Variants in PLCXD3 observed in about 807,000 individuals in gnomAD.
PLCXD3 encodes phosphatidylinositol specific phospholipase C X domain containing 3.
PLCXD3 carries 19 observed loss-of-function variants against 25.5 expected under a neutral mutation model. The ratio of observed to expected loss-of-function variants is 0.75; its 90% confidence interval spans 0.52 to 1.09. PLCXD3 has a LOEUF of 1.09. Among genes scored for constraint, PLCXD3 ranks in the 50% least tolerant of loss-of-function variants. PLCXD3 has a pLI of 0.00. For missense variants in PLCXD3, 411 were observed against 388.1 expected (o/e 1.06, Z -0.50); for synonymous variants, 174 against 137.6 (o/e 1.26, Z -1.85).
At chr5:41,333,914 C>T (rs900160924) in intron 2 of PLCXD3, among the ~76,000 whole-genome samples, 6 of 152,140 alleles carry the variant, frequency 3.9e-5, no homozygotes, top group Non-Finnish European at 8.8e-5. Context: ...AATCCCCTCA[C>T]CTTGACTTTC....
intron 1 of PLCXD3, among the ~76,000 whole-genome samples, chr5:41,439,864 T>G (rs680919): frequency 2.0e-5 from 3 of 152,204 alleles, no homozygotes; most frequent in African/African-American, 7.2e-5. Context: ...GGGACACAAA[T>G]GAACTATATT....
intron 2 of PLCXD3, among the ~76,000 whole-genome samples, chr5:41,327,886 AC>A (rs1743679830): frequency 6.6e-6 from 1 of 151,978 alleles, no homozygotes; most frequent in South Asian, 2.1e-4. Context: ...GCTCACTGTA[AC>A]CTCGAACTCC....
At chr5:41,433,863 C>T (rs1431949782) in intron 1 of PLCXD3, among the ~76,000 whole-genome samples, 1 of 152,190 alleles carries the variant, frequency 6.6e-6, no homozygotes, top group Non-Finnish European at 1.5e-5. Flanking sequence ...ACTCCTCTCC[C>T]TTGAAGTGAT....
In PLCXD3 at chr5:41,380,418, C is replaced by T. The variant is rs539330741; in HGVS notation, c.812+1408G>A. The stretch of plus-strand genomic sequence containing the variant: ...TCTAAGCACCTATTAACTGCTCGCT[C>T]TCTCCATTCCATCAATCCTCCAGGC... On this transcript the variant is annotated intron_variant, in intron 2 of 2. Coordinates refer to ENST00000377801, the MANE Select transcript of PLCXD3 (RefSeq NM_001005473.3). 1.4e-4 allele frequency among the ~76,000 whole-genome samples: 22 copies of T among 152,188 alleles called. No individual in the cohort carries two copies. In the South Asian group the frequency reaches 4.6e-3, roughly 32 times the overall value.
intron 1 of PLCXD3, among the ~76,000 whole-genome samples, chr5:41,489,342 A>G (rs1450482860): frequency 6.6e-6 from 1 of 152,116 alleles, no homozygotes; most frequent in East Asian, 1.9e-4. Flanking sequence ...GCCTTGTAGT[A>G]TAGCTTGAAG....
chr5:41,438,707 T>C (rs1747312342), intron 1 of PLCXD3, among the ~76,000 whole-genome samples: 1 of 152,284 alleles, frequency 6.6e-6, no homozygotes, highest in African/African-American at 2.4e-5. Flanking sequence ...CCCACTTTTT[T>C]CTACAACACT....
chr5:41,330,720 A>G (rs929944852), intron 2 of PLCXD3, among the ~76,000 whole-genome samples: 3 of 152,230 alleles, frequency 2.0e-5, no homozygotes, highest in African/African-American at 7.2e-5. Context: ...AACCGAATCC[A>G]GCAGCACATC....
intron 2 of PLCXD3, among the ~76,000 whole-genome samples, chr5:41,380,446 C>T (rs534091991): frequency 3.2e-4 from 49 of 152,146 alleles, no homozygotes; most frequent in African/African-American, 1.1e-3. Flanking sequence ...CTCCAGGCTG[C>T]GTCAATTATT....
At chr5:41,497,340 T>C (rs1748864408) in intron 1 of PLCXD3, among the ~76,000 whole-genome samples, 1 of 151,872 alleles carries the variant, frequency 6.6e-6, no homozygotes, top group Non-Finnish European at 1.5e-5. Flanking sequence ...TAGAAAAATA[T>C]ATTCCAGGCA....
Position 41,490,726 on chromosome 5 carries a change from G to A in PLCXD3, c.103+19698C>T, listed in dbSNP as rs1267007477. On this transcript the variant is annotated intron_variant, in intron 1 of 2. Transcript: ENST00000377801. ...GATTTTCTAGTTTATTTGCATAGAG[G>A]TGATTGTAGTATTCTCTGATGGTAG... Among the ~76,000 whole-genome samples, 16 of 152,290 alleles carry A rather than the reference G, an allele frequency of 1.1e-4. No homozygotes were observed. In the East Asian group the frequency reaches 2.5e-3, roughly 24 times the overall value.
At chr5:41,384,732 A>T (rs1380425226) in intron 1 of PLCXD3, among the ~76,000 whole-genome samples, 1 of 152,130 alleles carries the variant, frequency 6.6e-6, no homozygotes. Flanking sequence ...CCACTTTTGA[A>T]AACACTGTGA....
chr5:41,495,391 G>A (rs977296575), intron 1 of PLCXD3, among the ~76,000 whole-genome samples: 2 of 152,200 alleles, frequency 1.3e-5, no homozygotes, highest in East Asian at 1.9e-4. Context: ...GACAGAAGCC[G>A]ACACAGTTCA....
chr5:41,392,353 G>A (rs1561257577), intron 1 of PLCXD3, among the ~76,000 whole-genome samples: 1 of 149,480 alleles, frequency 6.7e-6, no homozygotes, highest in East Asian at 1.9e-4. Flanking sequence ...GAGAGAGAGA[G>A]AAAGAGAGAG....
intron 2 of PLCXD3, among the ~76,000 whole-genome samples, chr5:41,339,901 T>G (rs1744089467): frequency 6.6e-6 from 1 of 152,174 alleles, no homozygotes; most frequent in South Asian, 2.1e-4. Flanking sequence ...GGGATAGGTC[T>G]TTAAAAGTTA....
In PLCXD3 at chr5:41,325,874, T is replaced by C. The variant is rs868702576; in HGVS notation, c.813-12104A>G. Among the ~76,000 whole-genome samples, 23 of 152,230 alleles carry C rather than the reference T, an allele frequency of 1.5e-4. 1 individual carries two copies. Among genetic ancestry groups the C allele is most frequent in the Non-Finnish European group, 8.8e-5 (6 of 68,030 alleles). On this transcript the variant is annotated intron_variant, in intron 2 of 2. Transcript: ENST00000377801. ...TAGAAGTCCAAGATCAATGTGCTAG[T>C]AGATTTGGTGTTTGGTGAGGGCTCC...
At chr5:41,343,642 A>G (rs1221504741) in intron 2 of PLCXD3, among the ~76,000 whole-genome samples, 2 of 152,106 alleles carry the variant, frequency 1.3e-5, no homozygotes, top group African/African-American at 4.8e-5. Flanking sequence ...TAAAATCATA[A>G]CAGTGTCTAG....
At chr5:41,323,207 A>G (rs997275011) in intron 2 of PLCXD3, among the ~76,000 whole-genome samples, 1 of 152,160 alleles carries the variant, frequency 6.6e-6, no homozygotes, top group African/African-American at 2.4e-5. Context: ...AAGGATGGTT[A>G]CCAGAGGCTA....
At chr5:41,458,883 T>C (rs76189643) in intron 1 of PLCXD3, among the ~76,000 whole-genome samples, 2,110 of 152,116 alleles carry the variant, frequency 0.014, 53 homozygotes, top group African/African-American at 0.047. Context: ...TGATATTCTG[T>C]AAACATATGC....
chr5:41,403,133 T>G (rs1358213519), intron 1 of PLCXD3, among the ~76,000 whole-genome samples: 1 of 151,994 alleles, frequency 6.6e-6, no homozygotes, highest in Non-Finnish European at 1.5e-5. Flanking sequence ...TATGCCAACC[T>G]TCGGCCTAGT....
Sources: gnomAD v4.1 joint callset for allele counts (sites outside exome capture counted in the v4.1 genomes callset) on GRCh38, gnomAD v4.1.1 for gene constraint, MANE v1.5 for transcripts, NCBI Gene and HGNC (gene_info 2026-07-23, HGNC 2026-07-21) for gene names.